SYT16: variants seen among roughly 807,000 people sequenced by gnomAD.
SYT16 encodes the protein synaptotagmin-16.
A neutral mutation model predicts 61.4 loss-of-function variants in SYT16; 42 were observed. The observed-to-expected ratio is 0.68, with a 90% CI of 0.53 to 0.89. The LOEUF (loss-of-function observed/expected upper bound fraction) is 0.89. SYT16 is among the 40% of genes least tolerant of loss of function. The probability of loss-of-function intolerance (pLI) is 0.00; values close to 1 mark genes in which losing one functional copy is unlikely to be tolerated. For missense variants in SYT16, 804 were observed against 807.3 expected (o/e 1.00, Z 0.05); for synonymous variants, 314 against 302.3 (o/e 1.04, Z -0.40).
intron 3 of SYT16, among the ~76,000 whole-genome samples, chr14:62,050,262 A>G (rs1485093561): frequency 3.9e-5 from 6 of 152,044 alleles, no homozygotes; most frequent in Non-Finnish European, 7.4e-5. Context: ...AGTTGATGGC[A>G]TCAGCTGCTG....
intron 1 of SYT16, among the ~76,000 whole-genome samples, chr14:61,868,747 C>T (rs1251250846): frequency 1.3e-5 from 2 of 151,932 alleles, no homozygotes; most frequent in African/African-American, 4.8e-5. Flanking sequence ...CCCATGTTCA[C>T]TTTATAAGAA....
chr14:61,952,443 C>A (rs995798857), intron 1 of SYT16, among the ~76,000 whole-genome samples: 3 of 152,162 alleles, frequency 2.0e-5, no homozygotes, highest in African/African-American at 7.2e-5. Flanking sequence ...TCATTAAATG[C>A]TGCTTCTGAG....
intron 1 of SYT16, among the ~76,000 whole-genome samples, chr14:61,929,822 TG>T (rs1302279375): frequency 7.2e-5 from 11 of 152,368 alleles, no homozygotes; most frequent in South Asian, 2.1e-4. Flanking sequence ...TGGTTTTAAA[TG>T]TTGCTCAATT....
intron 1 of SYT16, among the ~76,000 whole-genome samples, chr14:61,913,521 A>G (rs1594899409): frequency 6.6e-6 from 1 of 152,234 alleles, no homozygotes; most frequent in Admixed American, 6.5e-5. Context: ...ATGCTAATGC[A>G]TACTGATATG....
At chr14:61,910,357 GC>G (rs2048883295) in intron 1 of SYT16, among the ~76,000 whole-genome samples, 1 of 151,420 alleles carries the variant, frequency 6.6e-6, no homozygotes, top group African/African-American at 2.4e-5. Context: ...TCCTGCCTCA[GC>G]CTCCCGAGTA....
chr14:61,904,651 A>T (rs186175905), intron 1 of SYT16, among the ~76,000 whole-genome samples: 3 of 152,210 alleles, frequency 2.0e-5, no homozygotes, highest in Non-Finnish European at 4.4e-5. Flanking sequence ...CTGACTTTCT[A>T]CTCACTGAAG....
intron 1 of SYT16, among the ~76,000 whole-genome samples, chr14:61,888,337 C>G (rs967541174): frequency 6.6e-6 from 1 of 152,090 alleles, no homozygotes; most frequent in Non-Finnish European, 1.5e-5. Flanking sequence ...AGGCTGGTCT[C>G]AAACTCCTGA....
intron 1 of SYT16, among the ~76,000 whole-genome samples, chr14:61,882,591 C>A (rs375318801): frequency 1.5e-4 from 23 of 152,284 alleles, no homozygotes; most frequent in African/African-American, 4.8e-4. Flanking sequence ...CAAACAATAT[C>A]ATTCCTCCCC....
chr14:62,019,632 A>G (rs961375349), intron 3 of SYT16, among the ~76,000 whole-genome samples: 5 of 152,246 alleles, frequency 3.3e-5, no homozygotes, highest in African/African-American at 1.2e-4. Flanking sequence ...AGTTTGGCCT[A>G]GAATCAAAGG....
rs568766265 is a variant in SYT16 at position 62,058,029 on chromosome 14, T to A, written c.524-11574T>A. 3.3e-5 allele frequency among the ~76,000 whole-genome samples: 5 copies of A among 152,368 alleles called. No homozygotes were observed. In the East Asian group the frequency reaches 9.6e-4, roughly 29 times the overall value. ...AGATTATTATAAAAATGGAGTTATATAATGCACATTCTTTTTACCTTTTTA... is the reference window on the plus strand; with the variant it reads ...AGATTATTATAAAAATGGAGTTATAAAATGCACATTCTTTTTACCTTTTTA... On this transcript the variant is annotated intron_variant, in intron 3 of 7. Coordinates refer to ENST00000683842, the MANE Select transcript of SYT16 (RefSeq NM_001367656.1).
chr14:62,099,269 G>A (rs1334782900), intron 7 of SYT16, among the ~76,000 whole-genome samples: 1 of 152,214 alleles, frequency 6.6e-6, no homozygotes. Flanking sequence ...GGTAATAAAG[G>A]TGAGAAATGC....
At chr14:62,078,375 G>T (rs1392022949) in intron 5 of SYT16, among the ~76,000 whole-genome samples, 1 of 152,056 alleles carries the variant, frequency 6.6e-6, no homozygotes, top group Non-Finnish European at 1.5e-5. Flanking sequence ...ATCTGGGCTT[G>T]GGGGGAGAGA....
At chr14:61,906,526 T>C (rs2048716237) in intron 1 of SYT16, among the ~76,000 whole-genome samples, 1 of 152,220 alleles carries the variant, frequency 6.6e-6, no homozygotes, top group Non-Finnish European at 1.5e-5. Context: ...TTTAGTATAG[T>C]TTTCCTTCTC....
chr14:61,909,678 CATGGAG>C (rs1261767224), intron 1 of SYT16, among the ~76,000 whole-genome samples: 1 of 152,178 alleles, frequency 6.6e-6, no homozygotes, highest in Non-Finnish European at 1.5e-5. Flanking sequence ...AGTGTTAGGG[CATGGAG>C]ATATCTTTCT....
intron 1 of SYT16, among the ~76,000 whole-genome samples, chr14:61,893,594 T>TA (rs1254644353): frequency 6.6e-6 from 1 of 152,214 alleles, no homozygotes; most frequent in Admixed American, 6.5e-5. Flanking sequence ...TGGGTGCTTG[T>TA]GACGTTTTCT....
At chr14:62,051,167 A>G (rs1595274945) in intron 3 of SYT16, among the ~76,000 whole-genome samples, 1 of 152,290 alleles carries the variant, frequency 6.6e-6, no homozygotes, top group East Asian at 1.9e-4. Context: ...AGCCTGGGCA[A>G]TGGCAGGCGC....
intron 1 of SYT16, among the ~76,000 whole-genome samples, chr14:61,844,644 A>G (rs1298531975): frequency 6.6e-6 from 1 of 152,142 alleles, no homozygotes; most frequent in African/African-American, 2.4e-5. Flanking sequence ...AAATGATCAT[A>G]TAGTTTTTGT....
chr14:61,823,111 G>A (rs941469511), intron 1 of SYT16, among the ~76,000 whole-genome samples: 1 of 152,052 alleles, frequency 6.6e-6, no homozygotes, highest in Non-Finnish European at 1.5e-5. Context: ...TCCTGCCTCA[G>A]CCTCCTGAGT....
At chr14:62,054,483 G>A (rs2055456808) in intron 3 of SYT16, among the ~76,000 whole-genome samples, 2 of 151,366 alleles carry the variant, frequency 1.3e-5, no homozygotes, top group African/African-American at 4.9e-5. Flanking sequence ...ACCTCAGCCT[G>A]ACTAGTAGCT....
Sources: allele counts gnomAD v4.1 joint callset (sites outside exome capture counted in the v4.1 genomes callset), GRCh38; gene constraint gnomAD v4.1.1; transcripts MANE v1.5; gene names NCBI Gene and HGNC (gene_info 2026-07-23, HGNC 2026-07-21).